LTA: variants seen among roughly 807,000 people sequenced by gnomAD.
The protein encoded by LTA is lymphotoxin-alpha.
Under a neutral mutation model 15.1 loss-of-function variants are expected in LTA, and 6 were observed. The observed-to-expected ratio is 0.40, with a 90% CI of 0.22 to 0.78. The LOEUF is 0.78. LTA is among the 30% of genes least tolerant of loss of function. The pLI, the probability that LTA is intolerant of heterozygous loss-of-function variation, is 0.38. For missense variants in LTA, 173 were observed against 249.5 expected (o/e 0.69, Z 2.06); for synonymous variants, 87 against 107.3 (o/e 0.81, Z 1.17).
chr6:31,568,020 C>G (rs1475777318), upstream of LTA, among the ~76,000 whole-genome samples: 1 of 152,168 alleles, frequency 6.6e-6, no homozygotes, highest in African/African-American at 2.4e-5. This position sits in a 1 kb window ranked among gnomAD's most constrained non-coding sequence, Gnocchi z 4.1. Context: ...ATTTTGCTGA[C>G]TACTGTATTT....
chr6:31,569,562 G>A (rs1770728959), upstream of LTA, among the ~76,000 whole-genome samples: 1 of 152,186 alleles, frequency 6.6e-6, no homozygotes, highest in African/African-American at 2.4e-5. Context: ...GGAGGCCAAG[G>A]CTGGTGGGTC....
chr6:31,571,353 C>T (rs2150383139), upstream of LTA, among the ~76,000 whole-genome samples: 1 of 152,268 alleles, frequency 6.6e-6, no homozygotes, highest in Non-Finnish European at 1.5e-5. Context: ...AGCCACTGCA[C>T]CAGGCCTGGA....
At chr6:31,563,373 A>G in the LTA span, among the ~76,000 whole-genome samples, 142 of 152,312 alleles carry the variant, frequency 9.3e-4, no homozygotes, top group African/African-American at 2.8e-3. Context: ...CTTAAGCTCA[A>G]TGAAATATTA....
upstream of LTA, among the ~76,000 whole-genome samples, chr6:31,569,523 T>G (rs753057148): frequency 9.2e-5 from 14 of 152,176 alleles, no homozygotes; most frequent in Non-Finnish European, 1.8e-4. Flanking sequence ...TTGGGCGCAG[T>G]GGCTCACGCC....
upstream of LTA, among the ~76,000 whole-genome samples, chr6:31,569,665 C>T (rs1030666962): frequency 1.3e-5 from 2 of 151,946 alleles, no homozygotes; most frequent in Non-Finnish European, 2.9e-5. Context: ...GGCTTGGTGG[C>T]GTGTGCCTGT....
chr6:31,562,463 G>A, the LTA span, among the ~76,000 whole-genome samples: 3 of 152,174 alleles, frequency 2.0e-5, no homozygotes, highest in African/African-American at 7.2e-5. Flanking sequence ...ACACGAAAAC[G>A]GAAGGTGAGA....
the LTA span, among the ~76,000 whole-genome samples, chr6:31,563,677 G>C: frequency 1.3e-5 from 2 of 152,140 alleles, no homozygotes; most frequent in African/African-American, 4.8e-5. Context: ...GCTCAATCTT[G>C]GTTCCCTGCA....
chr6:31,570,828 G>A (rs1222168407), upstream of LTA, among the ~76,000 whole-genome samples: 2 of 152,082 alleles, frequency 1.3e-5, no homozygotes, highest in African/African-American at 2.4e-5. Flanking sequence ...TCATTTATAT[G>A]ATGCCCCAAA....
At chr6:31,561,257 A>C in the LTA span, among the ~76,000 whole-genome samples, 1 of 152,194 alleles carries the variant, frequency 6.6e-6, no homozygotes, top group Non-Finnish European at 1.5e-5. Flanking sequence ...ACGATGAAAA[A>C]GAGGGAGAAC....
At chr6:31,562,462 C>T in the LTA span, among the ~76,000 whole-genome samples, 4 of 152,140 alleles carry the variant, frequency 2.6e-5, no homozygotes, top group East Asian at 3.9e-4. Flanking sequence ...CACACGAAAA[C>T]GGAAGGTGAG....
At chr6:31,566,040 C>T in the LTA span, among the ~76,000 whole-genome samples, 1,867 of 151,888 alleles carry the variant, frequency 0.012, 24 homozygotes, top group Non-Finnish European at 0.019. Flanking sequence ...TAGCCAGGCA[C>T]GGTGGCGCAT....
chr6:31,561,632 A>C, the LTA span, among the ~76,000 whole-genome samples: 1 of 152,020 alleles, frequency 6.6e-6, no homozygotes, highest in East Asian at 1.9e-4. Context: ...CAGAGGTTGC[A>C]GTGAGCTGAG....
In LTA at chr6:31,572,834, GGGCCCA is replaced by G. The variant is rs1192586447; in HGVS notation, c.95_99+1del. 2.5e-6 allele frequency: 4 copies of G among 1,611,512 alleles called. No individual in the cohort carries two copies. The Admixed American group carries it at 6.7e-5, about 27-fold the overall frequency. On this transcript the variant is annotated inframe_deletion and splice_region_variant, in exon 2 of 4. Transcript: ENST00000418386. Reference sequence around the variant, plus strand: ...GGGCTGCTGCTGGTTCTGCTGCCTGGGGCCCAGGTGAGGCAGCAGGAGAATGGGGGC... The same window carrying G: ...GGGCTGCTGCTGGTTCTGCTGCCTGGGGTGAGGCAGCAGGAGAATGGGGGC...
Position 31,572,810 on chromosome 6 carries a change from G to A in LTA, c.68G>A (p.Gly23Glu), listed in dbSNP as rs767231682. 3.8e-5 allele frequency: 62 copies of A among 1,611,226 alleles called. No homozygotes were observed. The South Asian group carries it at 6.7e-4, about 17-fold the overall frequency. The change falls in exon 2 of 4, where the codon GGG (glycine) becomes GAG (glutamate). Residue 23 changes from glycine (G) to glutamate (E), a missense_variant. By Grantham distance (98) the Gly-to-Glu change is moderately conservative. Coordinates refer to ENST00000418386, the MANE Select transcript of LTA (RefSeq NM_000595.4). Reference protein sequence around the residue: ...CGTTLHLLLLGLLLVLLPGAQ... With the variant: ...CGTTLHLLLLELLLVLLPGAQ... ...ACCACCCTACACCTCCTCCTTCTGG[G>A]GCTGCTGCTGGTTCTGCTGCCTGGG...
chr6:31,562,120 C>T, the LTA span, among the ~76,000 whole-genome samples: 13,245 of 148,346 alleles, frequency 0.089, 822 homozygotes, highest in Admixed American at 0.17. Flanking sequence ...GCACGGGGGG[C>T]GGGGGATGCC....
upstream of LTA, among the ~76,000 whole-genome samples, chr6:31,571,186 G>T (rs539468537): frequency 6.6e-6 from 1 of 151,054 alleles, no homozygotes; most frequent in African/African-American, 2.4e-5. Flanking sequence ...TCAGCCTCCC[G>T]AGTAGCTGGG....
chr6:31,571,875 C>T (rs541931589), upstream of LTA, among the ~76,000 whole-genome samples: 4 of 150,378 alleles, frequency 2.7e-5, no homozygotes, highest in African/African-American at 9.7e-5. Context: ...GACAGGGGTA[C>T]AAGAGAAGGA....
the LTA span, among the ~76,000 whole-genome samples, chr6:31,566,885 A>G: frequency 6.6e-6 from 1 of 151,998 alleles, no homozygotes; most frequent in African/African-American, 2.4e-5. Context: ...GGTTGCAGTG[A>G]GCTGAGATTA....
chr6:31,569,126 C>T (rs1198597288), upstream of LTA, among the ~76,000 whole-genome samples: 1 of 152,194 alleles, frequency 6.6e-6, no homozygotes, highest in African/African-American at 2.4e-5. Flanking sequence ...TCTCCTGCCT[C>T]AGCTTCCCTA....
Sources: allele counts gnomAD v4.1 joint callset (sites outside exome capture counted in the v4.1 genomes callset), GRCh38; gene constraint gnomAD v4.1.1; non-coding constraint Gnocchi (gnomAD v3.1); transcripts MANE v1.5; gene names NCBI Gene and HGNC (gene_info 2026-07-23, HGNC 2026-07-21).